The following NPNT variants were observed in gnomAD, a reference collection of about 807,000 sequenced individuals.
NPNT encodes preosteoblast EGF-like repeat protein with MAM domain.
NPNT carries 45 observed loss-of-function variants against 68.6 expected under a neutral mutation model. The ratio of observed to expected loss-of-function variants is 0.66; its 90% CI spans 0.52 to 0.84. NPNT has a LOEUF of 0.84. Ranked by LOEUF, NPNT falls within the 40% of genes least tolerant of loss-of-function variation. The pLI, the probability that NPNT is intolerant of heterozygous loss-of-function variation, is 0.00. For synonymous variants in NPNT, 233 were observed against 253.3 expected (o/e 0.92, Z 0.76); for missense variants, 672 against 714.8 (o/e 0.94, Z 0.68).
chr4:105,898,308 CTCTG>C (rs1726064902), intron 2 of NPNT, among the ~76,000 whole-genome samples: 6 of 125,240 alleles, frequency 4.8e-5, no homozygotes, highest in African/African-American at 1.2e-4. Context: ...CTCTCTCTCT[CTCTG>C]TCTCTCTCTC....
At chr4:105,912,309 T>G in intron 2 of NPNT, 1 of 1,038,632 alleles carries the variant, frequency 9.6e-7, no homozygotes, top group East Asian at 2.6e-5. Context: ...TCTAAATAAT[T>G]TTACAAAGCT....
intron 2 of NPNT, among the ~76,000 whole-genome samples, chr4:105,898,348 C>G (rs6820679): frequency 5.3e-5 from 7 of 133,034 alleles, no homozygotes; most frequent in Non-Finnish European, 7.9e-5. Context: ...CTCTCTCTCT[C>G]TCTCTCTCTC....
At chr4:105,953,025 G>A (rs1205984169) in intron 8 of NPNT, among the ~76,000 whole-genome samples, 1 of 152,112 alleles carries the variant, frequency 6.6e-6, no homozygotes, top group Non-Finnish European at 1.5e-5. Flanking sequence ...AATTAGCCAG[G>A]GGTGGTGGTG....
intron 3 of NPNT, among the ~76,000 whole-genome samples, chr4:105,933,862 G>A (rs1229855514): frequency 6.6e-6 from 1 of 152,076 alleles, no homozygotes; most frequent in African/African-American, 2.4e-5. Flanking sequence ...ATGTATTCCT[G>A]ACAATAGTAG....
intron 8 of NPNT, among the ~76,000 whole-genome samples, chr4:105,944,578 A>G (rs542728884): frequency 6.6e-6 from 1 of 152,340 alleles, no homozygotes; most frequent in South Asian, 2.1e-4. Flanking sequence ...ATTTAGTGCA[A>G]TAAAATTGGG....
chr4:105,925,644 A>G (rs1024955026), intron 2 of NPNT, among the ~76,000 whole-genome samples: 10 of 152,176 alleles, frequency 6.6e-5, no homozygotes. Context: ...AGGAGCTTCA[A>G]AATTCGGGAT....
Position 105,940,635 on chromosome 4 carries a change from G to C in NPNT, c.762G>C (p.Val254=). 2.5e-6 allele frequency: 4 copies of C among 1,612,940 alleles called. No homozygotes were observed. The change falls in exon 7 of 12, where the codon GTG becomes GTC. Residue 254 remains valine (V), a splice_region_variant and synonymous_variant. Coordinates refer to ENST00000379987, the MANE Select transcript of NPNT (RefSeq NM_001033047.3). ...ACCAGGGTGATGGACTGACTTGTGT[G>C]TGTGAGTAGCACTTGTCTCTCAGCT... The part of the protein sequence containing the change: ...EGYQGDGLTC[V]YIPKVMIEPS...
intron 2 of NPNT, chr4:105,912,145 A>G: frequency 7.1e-7 from 1 of 1,415,550 alleles, no homozygotes; most frequent in Non-Finnish European, 9.6e-7. Context: ...CTCCTTACAG[A>G]GAAAAGATCT....
chr4:105,969,016 C>A lies in NPNT; in HGVS notation c.*26C>A. 3 of 1,334,910 alleles carry A rather than the reference C, an allele frequency of 2.2e-6. No individual in the cohort carries two copies. The highest frequency in any genetic ancestry group is 3.2e-6 in the Non-Finnish European group (3 of 933,056). 82.7% of individuals were successfully genotyped at this position (1,334,910 alleles called of 1,614,324 possible). A position where few individuals can be genotyped will look rare whatever the true frequency, so the allele number is the denominator to read the frequency against. On this transcript the variant is annotated 3_prime_UTR_variant, in exon 12 of 12. Coordinates refer to ENST00000379987, the MANE Select transcript of NPNT (RefSeq NM_001033047.3). ...CAACTCCAGAACTAACAATGAACTC[C>A]TATGTTGCTCTATCCTCTTTTTCCA...
Position 105,969,068 on chromosome 4 carries a change from T to G in NPNT, c.*78T>G. The G allele has an allele frequency of 1.0e-6, 1 of 956,024 alleles. No homozygotes were observed. Among genetic ancestry groups the G allele is most frequent in the Non-Finnish European group, 1.6e-6 (1 of 617,396 alleles). 59.2% of individuals were successfully genotyped at this position (956,024 alleles called of 1,614,324 possible). A position where few individuals can be genotyped will look rare whatever the true frequency, so the allele number is the denominator to read the frequency against. ...TTCTCATCTTCTCTCCTCTTCTCCC[T>G]TTTATCAGGCCTAGGAGAAGAGTGG... On this transcript the variant is annotated 3_prime_UTR_variant, in exon 12 of 12. Transcript: ENST00000379987.
chr4:105,965,641 T>C (rs1732063689), intron 10 of NPNT, among the ~76,000 whole-genome samples: 1 of 152,212 alleles, frequency 6.6e-6, no homozygotes, highest in African/African-American at 2.4e-5. Context: ...CCTGTGATGA[T>C]TCAAAAGCTG....
intron 8 of NPNT, among the ~76,000 whole-genome samples, chr4:105,955,477 G>T (rs1165912222): frequency 6.6e-6 from 1 of 151,980 alleles, no homozygotes; most frequent in Non-Finnish European, 1.5e-5. Flanking sequence ...ACATATAATT[G>T]CTATTTATAT....
intron 8 of NPNT, among the ~76,000 whole-genome samples, chr4:105,953,117 G>A (rs72956788): frequency 0.023 from 3,476 of 152,254 alleles, 130 homozygotes; most frequent in African/African-American, 0.079. Context: ...AGTGAGCCAA[G>A]ATCGTGCCTC....
At chr4:105,919,896 C>T (rs114907523) in intron 2 of NPNT, among the ~76,000 whole-genome samples, 12 of 152,022 alleles carry the variant, frequency 7.9e-5, no homozygotes, top group South Asian at 2.1e-4. Flanking sequence ...AATACATTCA[C>T]ACTGTTTTGA....
At position 105,940,139 on chromosome 4, in the gene NPNT, T is replaced by C. The variant is rs752029959; in HGVS notation, c.570T>C (p.Phe190=). The C allele has an allele frequency of 1.2e-6, 2 of 1,612,246 alleles. No individual in the cohort carries two copies. Among genetic ancestry groups the C allele is most frequent in the South Asian group, 2.2e-5 (2 of 91,048 alleles). Residue 190 remains phenylalanine (F), a synonymous_variant, in exon 6 of 12, where the codon TTT becomes TTC. Coordinates refer to ENST00000379987, the MANE Select transcript of NPNT (RefSeq NM_001033047.3). ...CPRFRQCVNT[F]GSYICKCHKG... The stretch of plus-strand genomic sequence containing the variant: ...GATTTAGGCAATGTGTCAACACTTT[T>C]GGGAGCTACATCTGCAAGTGTCATA...
At chr4:105,945,691 A>G (rs140490037) in intron 8 of NPNT, among the ~76,000 whole-genome samples, 1 of 152,322 alleles carries the variant, frequency 6.6e-6, no homozygotes, top group African/African-American at 2.4e-5. Flanking sequence ...CAGGCCCAAA[A>G]TCCTTTATCC....
At chr4:105,904,956 G>T (rs1002592076) in intron 2 of NPNT, among the ~76,000 whole-genome samples, 3 of 152,002 alleles carry the variant, frequency 2.0e-5, no homozygotes, top group African/African-American at 7.2e-5. Flanking sequence ...GGCTGGTCTT[G>T]AACTCCTGAC....
chr4:105,924,445 T>C (rs1401912805), intron 2 of NPNT, among the ~76,000 whole-genome samples: 1 of 152,218 alleles, frequency 6.6e-6, no homozygotes, highest in Non-Finnish European at 1.5e-5. Context: ...GTATCAACTT[T>C]ATGAGTATCC....
chr4:105,958,320 A>C (rs1054128885), intron 8 of NPNT, 151 bp from the exon 9 acceptor site: 16 of 447,464 alleles, frequency 3.6e-5, no homozygotes, highest in African/African-American at 3.3e-4. Context: ...AAATTCGTGA[A>C]TCTTCATGTG....
Sources: gnomAD v4.1 joint callset for allele counts (sites outside exome capture counted in the v4.1 genomes callset) on GRCh38, gnomAD v4.1.1 for gene constraint, MANE v1.5 for transcripts, NCBI Gene and HGNC (gene_info 2026-07-23, HGNC 2026-07-21) for gene names.